Variants in OSER1 observed in about 807,000 individuals in gnomAD.
OSER1 encodes oxidative stress-responsive serine-rich protein 1.
In OSER1, 15 loss-of-function variants were observed where a neutral mutation model predicts 26.3. The observed-to-expected ratio is 0.57, with a 90% CI of 0.38 to 0.88. The LOEUF is 0.88. Ranked by LOEUF, OSER1 falls within the 40% of genes least tolerant of loss-of-function variation. The pLI is 0.00. For synonymous variants in OSER1, 127 were observed against 128.2 expected (o/e 0.99, Z 0.07); for missense variants, 313 against 353.9 (o/e 0.88, Z 0.93).
At chr20:44,209,050 T>C (rs970260737) in intron 1 of OSER1, among the ~76,000 whole-genome samples, 1 of 152,214 alleles carries the variant, frequency 6.6e-6, no homozygotes, top group African/African-American at 2.4e-5. Flanking sequence ...TAGAATCTCA[T>C]TCCTGCCCTC....
At chr20:44,205,256 G>T (rs559160463) in intron 2 of OSER1, among the ~76,000 whole-genome samples, 3 of 152,166 alleles carry the variant, frequency 2.0e-5, no homozygotes, top group Non-Finnish European at 4.4e-5. Flanking sequence ...CACATTCCTA[G>T]TATTTTCCTG....
chr20:44,200,321 A>C (rs1034711284), intron 3 of OSER1, among the ~76,000 whole-genome samples: 26 of 152,162 alleles, frequency 1.7e-4, no homozygotes, highest in Admixed American at 1.6e-3. Flanking sequence ...CCATTCCACA[A>C]GGTTCTCCTT....
At chr20:44,207,030 A>G in intron 1 of OSER1, 32 bp from the exon 2 acceptor site, 1 of 1,083,450 alleles carries the variant, frequency 9.2e-7, no homozygotes, top group Non-Finnish European at 1.4e-6. Flanking sequence ...GCAAAGTAAA[A>G]ACAGGTGGGA....
intron 1 of OSER1, among the ~76,000 whole-genome samples, chr20:44,209,839 G>T (rs1397551786): frequency 6.6e-6 from 1 of 152,066 alleles, no homozygotes; most frequent in East Asian, 1.9e-4. Flanking sequence ...ACCTAAGAAC[G>T]ATCAAGAAGG....
At chr20:44,209,208 T>C (rs918298666) in intron 1 of OSER1, among the ~76,000 whole-genome samples, 10 of 152,232 alleles carry the variant, frequency 6.6e-5, no homozygotes, top group African/African-American at 2.4e-4. Context: ...CTAAAAGATC[T>C]ATCATCTAAA....
rs150040325 is a variant in OSER1, at chr20:44,209,458, T to A, written c.-42+1238A>T. On this transcript the variant is annotated intron_variant, in intron 1 of 3. Coordinates refer to ENST00000255174, the MANE Select transcript of OSER1 (RefSeq NM_016470.8). Reference sequence around the variant, plus strand: ...CCAGATCCCCATTCAAAGAAAGGGCTGTACAACTAACTCCGGACAACAGAT... The same window carrying A: ...CCAGATCCCCATTCAAAGAAAGGGCAGTACAACTAACTCCGGACAACAGAT... Among the ~76,000 whole-genome samples the A allele has an allele frequency of 2.1e-3, 316 of 152,366 alleles. 1 individual carries two copies. Among genetic ancestry groups the A allele is most frequent in the African/African-American group, 7.3e-3 (304 of 41,586 alleles).
intron 2 of OSER1, among the ~76,000 whole-genome samples, chr20:44,204,017 G>T (rs2073014790): frequency 6.6e-6 from 1 of 152,164 alleles, no homozygotes. Flanking sequence ...CATATATTAT[G>T]ATCTCAACTA....
chr20:44,205,415 C>T (rs914149651), intron 2 of OSER1, among the ~76,000 whole-genome samples: 7 of 152,142 alleles, frequency 4.6e-5, no homozygotes, highest in Admixed American at 3.9e-4. Flanking sequence ...TATTAGAAAA[C>T]CATCAGGAGG....
In OSER1 at chr20:44,202,982, G is replaced by A. The variant is rs114321134; in HGVS notation, c.170C>T (p.Ala57Val). The A allele has an allele frequency of 1.1e-4, 183 of 1,606,184 alleles. 1 individual carries two copies. The African/African-American group carries it at 2.3e-3, about 20-fold the overall frequency. Reference sequence around the variant, plus strand: ...TTACCCGTGCCAACTGTCTTTAGATGCACATGTGGTTTTAGGTTTGGTATC... The same window carrying A: ...TTACCCGTGCCAACTGTCTTTAGATACACATGTGGTTTTAGGTTTGGTATC... ...TDDTKPKTTC[A>V]SKDSWHGSTR... The change falls in exon 3 of 4, where the codon GCA becomes GTA. Residue 57 changes from alanine (A) to valine (V), a missense_variant. Physicochemically the swap from Ala to Val is moderately conservative, Grantham distance 64. This residue lies in a region of OSER1 where 300 missense variants were observed against 318.3 expected (regional missense o/e 0.94). Transcript: ENST00000255174.
chr20:44,210,175 C>G (rs2073085892), intron 1 of OSER1: 1 of 152,608 alleles, frequency 6.6e-6, no homozygotes. Flanking sequence ...AGTGTGGGGA[C>G]AACGCCAAGC....
In OSER1 at chr20:44,196,312, A is replaced by AC. The variant is rs1555864538; in HGVS notation, c.*739dup. 1.8e-4 allele frequency among the ~76,000 whole-genome samples: 15 copies of AC among 83,644 alleles called. No homozygotes were observed. The highest frequency in any genetic ancestry group is 1.5e-3 in the African/African-American group (15 of 9,704). 54.9% of individuals were successfully genotyped at this position (83,644 alleles called of 152,430 possible). On this transcript the variant is annotated 3_prime_UTR_variant, in exon 4 of 4. Coordinates refer to ENST00000255174, the MANE Select transcript of OSER1 (RefSeq NM_016470.8). ...CTGATAACAAAAAAAAAAAAAAAAAACCGCCATATATTTAAAATGCTGGAG... is the reference window on the plus strand; with the variant it reads ...CTGATAACAAAAAAAAAAAAAAAAAACCCGCCATATATTTAAAATGCTGGAG...
At chr20:44,208,020 C>G (rs2073056005) in intron 1 of OSER1, among the ~76,000 whole-genome samples, 2 of 151,934 alleles carry the variant, frequency 1.3e-5, no homozygotes, top group Admixed American at 6.6e-5. Context: ...CAGAGAGAAT[C>G]AGAAGAAAAG....
At chr20:44,208,257 G>A (rs6031455) in intron 1 of OSER1, among the ~76,000 whole-genome samples, 10 of 151,992 alleles carry the variant, frequency 6.6e-5, no homozygotes, top group African/African-American at 2.4e-4. Flanking sequence ...AGGTCAAGGT[G>A]TCATAATGTT....
Position 44,196,903 on chromosome 20 carries a change from T to G in OSER1, c.*149A>C, listed in dbSNP as rs2072924498. The G allele has an allele frequency of 3.3e-6, 2 of 603,878 alleles. No homozygotes were observed. Among genetic ancestry groups the G allele is most frequent in the East Asian group, 2.7e-5 (1 of 36,468 alleles). 37.4% of individuals were successfully genotyped at this position (603,878 alleles called of 1,614,324 possible). A position where few individuals can be genotyped will look rare whatever the true frequency, so the allele number is the denominator to read the frequency against. On this transcript the variant is annotated 3_prime_UTR_variant, in exon 4 of 4. Transcript: ENST00000255174. ...GAGAGTAAGTTGAAAGAATGAAGAT[T>G]AACTGAGATGCCAAGAAAAGTTTTT...
chr20:44,208,597 AT>A (rs2073063764), intron 1 of OSER1, among the ~76,000 whole-genome samples: 1 of 152,220 alleles, frequency 6.6e-6, no homozygotes, highest in Admixed American at 6.5e-5. Flanking sequence ...TTAGGGTAGG[AT>A]CCCCCAAATA....
Position 44,206,959 on chromosome 20 carries a change from G to C in OSER1, c.-2C>G. The C allele has an allele frequency of 6.2e-7, 1 of 1,605,800 alleles. No individual in the cohort carries two copies. The highest frequency in any genetic ancestry group is 8.5e-7 in the Non-Finnish European group (1 of 1,173,194). ...TCCATCCTTGGCTTCGGATTTCATT[G>C]TGCAAGTTTTTACACTACTTATCGA... On this transcript the variant is annotated 5_prime_UTR_variant, in exon 2 of 4. Transcript: ENST00000255174.
chr20:44,201,891 GA>G (rs1200147034), intron 3 of OSER1, among the ~76,000 whole-genome samples: 1 of 152,066 alleles, frequency 6.6e-6, no homozygotes, highest in Non-Finnish European at 1.5e-5. Context: ...GAAAAAAATA[GA>G]AAAAAGCAGG....
intron 3 of OSER1, among the ~76,000 whole-genome samples, chr20:44,201,851 T>C (rs535474452): frequency 6.6e-5 from 10 of 151,630 alleles, no homozygotes; most frequent in African/African-American, 1.9e-4. Context: ...GTTTAAACAA[T>C]TGGAAAGGAA....
Position 44,196,300 on chromosome 20 carries a change from A to C in OSER1, c.*752T>G, listed in dbSNP as rs1202572844. Among the ~76,000 whole-genome samples the C allele has an allele frequency of 4.4e-5, 6 of 135,660 alleles. No homozygotes were observed. Among genetic ancestry groups the C allele is most frequent in the Middle Eastern group, 3.6e-3 (1 of 280 alleles). The allele number at this position is 135,660 out of a possible 152,430, so 89.0% of individuals were successfully genotyped here. On this transcript the variant is annotated 3_prime_UTR_variant, in exon 4 of 4. Coordinates refer to ENST00000255174, the MANE Select transcript of OSER1 (RefSeq NM_016470.8). ...CCTGTATTACAACTGATAACAAAAAAAAAAAAAAAAAACCGCCATATATTT... is the reference window on the plus strand; with the variant it reads ...CCTGTATTACAACTGATAACAAAAACAAAAAAAAAAAACCGCCATATATTT...
Sources: gnomAD v4.1 joint callset for allele counts (sites outside exome capture counted in the v4.1 genomes callset) on GRCh38, gnomAD v4.1.1 for gene constraint, gnomAD v4.1.1 regional missense constraint, MANE v1.5 for transcripts, NCBI Gene and HGNC (gene_info 2026-07-23, HGNC 2026-07-21) for gene names.